The following HIRA variants were observed in gnomAD, a reference collection of about 807,000 sequenced individuals.
HIRA encodes the protein protein HIRA.
In HIRA, 13 loss-of-function variants were observed where a neutral mutation model predicts 126.6. That is an observed-to-expected ratio of 0.10 (90% CI 0.07 to 0.16). HIRA has a LOEUF of 0.16. HIRA is among the 10% of genes least tolerant of loss of function. HIRA has a pLI of 1.00. For synonymous variants in HIRA, 511 were observed against 520.0 expected (o/e 0.98, Z 0.24); for missense variants, 834 against 1,314.4 (o/e 0.63, Z 5.65).
chr22:19,372,616 G>C (rs1313736277), intron 15 of HIRA, among the ~76,000 whole-genome samples: 2 of 148,552 alleles, frequency 1.3e-5, no homozygotes, highest in East Asian at 3.9e-4. Flanking sequence ...CTTTTGCCCA[G>C]GCTGGAGTGA....
chr22:19,338,689 C>A (rs144124877), intron 24 of HIRA, among the ~76,000 whole-genome samples: 4 of 152,278 alleles, frequency 2.6e-5, no homozygotes, highest in Non-Finnish European at 5.9e-5. Flanking sequence ...ACAAAACAGA[C>A]TTTAAAGCAA....
chr22:19,394,204 C>T, intron 8 of HIRA, 138 bp downstream of exon 8: 1 of 1,034,260 alleles, frequency 9.7e-7, no homozygotes, highest in Non-Finnish European at 1.4e-6. Flanking sequence ...GTAAAGTTTG[C>T]CAATAAATCA....
intron 15 of HIRA, among the ~76,000 whole-genome samples, chr22:19,373,813 C>T (rs2088990006): frequency 6.6e-6 from 1 of 152,066 alleles, no homozygotes; most frequent in Admixed American, 6.6e-5. Flanking sequence ...TTAATTCCAA[C>T]TCCTACATGG....
chr22:19,373,154 C>T (rs1402096522), intron 15 of HIRA, among the ~76,000 whole-genome samples: 3 of 152,096 alleles, frequency 2.0e-5, no homozygotes, highest in Admixed American at 6.6e-5. Context: ...ATAGTTTTTG[C>T]TCTTACATTT....
At chr22:19,392,821 A>T (rs2089193640) in intron 8 of HIRA, among the ~76,000 whole-genome samples, 1 of 152,170 alleles carries the variant, frequency 6.6e-6, no homozygotes. Context: ...AGTCCAGGGA[A>T]CTACCCCGAG....
chr22:19,368,889 G>A (rs2088939140), intron 15 of HIRA, among the ~76,000 whole-genome samples: 1 of 152,132 alleles, frequency 6.6e-6, no homozygotes, highest in African/African-American at 2.4e-5. Context: ...GGACCCCTGA[G>A]AGCCCTTAGG....
chr22:19,389,882 A>G (rs1454822759), intron 9 of HIRA, among the ~76,000 whole-genome samples: 1 of 151,704 alleles, frequency 6.6e-6, no homozygotes, highest in South Asian at 2.1e-4. Context: ...AAAAATCACA[A>G]CGCACACAGT....
intron 15 of HIRA, among the ~76,000 whole-genome samples, chr22:19,370,554 G>A (rs1428147351): frequency 6.6e-6 from 1 of 152,180 alleles, no homozygotes; most frequent in Non-Finnish European, 1.5e-5. Context: ...GGCCTCCAGT[G>A]ATGGGTGTTT....
At chr22:19,403,837 G>C (rs920995917) in intron 5 of HIRA, among the ~76,000 whole-genome samples, 7 of 152,082 alleles carry the variant, frequency 4.6e-5, no homozygotes, top group African/African-American at 1.7e-4. Context: ...TCAAAACAAT[G>C]CACCTACAAC....
chr22:19,391,917 C>T lies in HIRA; in HGVS notation c.936+184G>A, dbSNP rs181054836. Among the ~76,000 whole-genome samples, 366 of 152,336 alleles carry T rather than the reference C, an allele frequency of 2.4e-3. 1 individual carries two copies. Among genetic ancestry groups the T allele is most frequent in the Admixed American group, 3.8e-3 (58 of 15,304 alleles). ...GGCCTCTCCTGGCTGGGCACAGACC[C>T]AGTCTTCAGCACTTCCTTCTGGGAG... On this transcript the variant is annotated intron_variant, in intron 9 of 24. Transcript: ENST00000263208.
chr22:19,424,662 G>A (rs2089475262), intron 1 of HIRA, among the ~76,000 whole-genome samples: 1 of 152,154 alleles, frequency 6.6e-6, no homozygotes, highest in Non-Finnish European at 1.5e-5. Context: ...ATTAGAAAGA[G>A]TAAGTCTGGG....
At chr22:19,419,313 C>T (rs2089425165) in intron 1 of HIRA, among the ~76,000 whole-genome samples, 1 of 152,148 alleles carries the variant, frequency 6.6e-6, no homozygotes, top group African/African-American at 2.4e-5. Context: ...CCACCCCGCC[C>T]CCACGACTTT....
At chr22:19,403,101 C>CAAAAAAA (rs199777922) in intron 5 of HIRA, among the ~76,000 whole-genome samples, 5 of 70,530 alleles carry the variant, frequency 7.1e-5, no homozygotes, top group African/African-American at 1.6e-4. Flanking sequence ...GACACAGTCT[C>CAAAAAAA]AAAAAAAAAA....
chr22:19,427,788 G>C (rs1385291801), intron 1 of HIRA, among the ~76,000 whole-genome samples: 1 of 152,170 alleles, frequency 6.6e-6, no homozygotes, highest in African/African-American at 2.4e-5. Flanking sequence ...CAAAGGCCCA[G>C]AGTTGGGAAG....
At chr22:19,343,618 G>GT (rs1388335857) in intron 24 of HIRA, among the ~76,000 whole-genome samples, 1 of 151,912 alleles carries the variant, frequency 6.6e-6, no homozygotes, top group Non-Finnish European at 1.5e-5. Context: ...TAAATTTCAT[G>GT]TATTTTTATA....
intron 15 of HIRA, among the ~76,000 whole-genome samples, chr22:19,374,182 A>G (rs1178199204): frequency 6.6e-6 from 1 of 152,072 alleles, no homozygotes. Context: ...AAATTACCAA[A>G]AATTAGCCAG....
chr22:19,420,016 G>A (rs2089430814), intron 1 of HIRA, among the ~76,000 whole-genome samples: 1 of 151,780 alleles, frequency 6.6e-6, no homozygotes, highest in South Asian at 2.1e-4. Context: ...AGCACAGGAA[G>A]GAAGCTGTTG....
intron 15 of HIRA, among the ~76,000 whole-genome samples, 155 bp downstream of exon 15, chr22:19,375,476 C>A (rs1227360771): frequency 6.6e-6 from 1 of 152,210 alleles, no homozygotes; most frequent in Non-Finnish European, 1.5e-5. Flanking sequence ...CCTGGTGGCT[C>A]ACTAAGGGCT....
chr22:19,358,164 T>G (rs2088831199), intron 18 of HIRA, among the ~76,000 whole-genome samples: 1 of 152,186 alleles, frequency 6.6e-6, no homozygotes, highest in Non-Finnish European at 1.5e-5. Context: ...CACGCCTGGC[T>G]AATTTTTGTA....
Sources: gnomAD v4.1 joint callset for allele counts (sites outside exome capture counted in the v4.1 genomes callset) on GRCh38, gnomAD v4.1.1 for gene constraint, MANE v1.5 for transcripts, NCBI Gene and HGNC (gene_info 2026-07-23, HGNC 2026-07-21) for gene names.